The following GTF3C3 variants were observed in gnomAD, a reference collection of about 807,000 sequenced individuals.
The protein encoded by GTF3C3 is general transcription factor IIIC subunit 3.
In GTF3C3, 75 loss-of-function variants were observed where a neutral mutation model predicts 105.2. The ratio of observed to expected loss-of-function variants is 0.71; its 90% CI spans 0.59 to 0.86. The LOEUF (loss-of-function observed/expected upper bound fraction) is 0.86, where lower values mean the gene tolerates loss of function less well. GTF3C3 is among the 40% of genes least tolerant of loss of function. The probability of loss-of-function intolerance (pLI) is 0.00; values close to 1 mark genes in which losing one functional copy is unlikely to be tolerated. For synonymous variants in GTF3C3, 335 were observed against 370.4 expected, an observed-to-expected ratio of 0.90 and a Z score of 1.10; for missense variants, 856 against 1,076.5, an observed-to-expected ratio of 0.80 and a Z score of 2.87.
chr2:196,772,393 A>T (rs1699189001), intron 14 of GTF3C3, among the ~76,000 whole-genome samples: 1 of 152,102 alleles, frequency 6.6e-6, no homozygotes, highest in Non-Finnish European at 1.5e-5. Context: ...TACTAAAAAT[A>T]CAAAATGAGC....
chr2:196,798,861 T>TTA (rs1699696025), intron 1 of GTF3C3, among the ~76,000 whole-genome samples: 4 of 54,906 alleles, frequency 7.3e-5, no homozygotes, highest in Non-Finnish European at 1.3e-4. Context: ...AAACTCCGTC[T>TTA]CAAAAAAAAA....
chr2:196,767,522 T>C (rs912936051), intron 16 of GTF3C3, among the ~76,000 whole-genome samples: 9 of 152,226 alleles, frequency 5.9e-5, no homozygotes, highest in African/African-American at 2.2e-4. Flanking sequence ...ATCTGCTATA[T>C]AATAAGTGGT....
At chr2:196,783,708 A>G (rs60689599) in intron 8 of GTF3C3, among the ~76,000 whole-genome samples, 2,687 of 152,214 alleles carry the variant, frequency 0.018, 70 homozygotes, top group African/African-American at 0.062. Flanking sequence ...TTGGGCCTCT[A>G]TAAACATCTT....
rs1288534830 is a variant in GTF3C3, at chr2:196,781,355, AAAATATATAT to A, written c.1115-703_1115-694del. On this transcript the variant is annotated intron_variant, in intron 8 of 17. Coordinates refer to ENST00000263956, the MANE Select transcript of GTF3C3 (RefSeq NM_012086.5). ...AAATGTTAAGGGGAAAAAAAAAAAA[AAAATATATAT>A]ATATATATATATATATATATATAAA... Among the ~76,000 whole-genome samples the A allele has an allele frequency of 2.9e-4, 9 of 31,194 alleles. No homozygotes were observed. The Admixed American group carries it at 3.4e-3, about 12-fold the overall frequency. 20.5% of individuals were successfully genotyped at this position (31,194 alleles called of 152,430 possible). A position where few individuals can be genotyped will look rare whatever the true frequency, so the allele number is the denominator to read the frequency against.
intron 9 of GTF3C3, chr2:196,780,287 ATCTAATGACAATCTCAAATGG>A: frequency 9.7e-7 from 1 of 1,031,416 alleles, no homozygotes; most frequent in Non-Finnish European, 1.2e-6. Context: ...ATTACCAATT[ATCTAATGACAATCTCAAATGG>A]TCTAAAGACA....
In GTF3C3 at chr2:196,776,466, A is replaced by G; in HGVS notation, c.1554T>C (p.Asp518=). The G allele has an allele frequency of 1.2e-6, 2 of 1,614,168 alleles. No individual in the cohort carries two copies. The highest frequency in any genetic ancestry group is 8.5e-7 in the Non-Finnish European group (1 of 1,180,022). ...TTGCATCCTGTGCTAAAGTATCTGG[A>G]TCATACATTGGTTCCAGAGCTTCCA... ...KALEALEPMY[D]PDTLAQDANA... Residue 518 remains aspartate, a synonymous_variant, in exon 11 of 18, where the codon GAT becomes GAC. Transcript: ENST00000263956. The surrounding 1 kb of genome is among the most constrained non-coding windows in gnomAD (Gnocchi z 4.5).
chr2:196,789,144 G>A, intron 6 of GTF3C3, 60 bp downstream of exon 6: 3 of 1,327,406 alleles, frequency 2.3e-6, no homozygotes, highest in Non-Finnish European at 3.1e-6. Context: ...CCAAATATAT[G>A]CTTTGATTTG....
rs1182561893 is a variant in GTF3C3, at chr2:196,786,823, TC to T, written c.894-1236del. Among the ~76,000 whole-genome samples, 2 of 152,020 alleles carry T rather than the reference TC, an allele frequency of 1.3e-5. No homozygotes were observed. The highest frequency in any genetic ancestry group is 3.9e-4 in the East Asian group (2 of 5,184). On this transcript the variant is annotated intron_variant, in intron 6 of 17. Transcript: ENST00000263956. This position sits in a 1 kb window ranked among gnomAD's most constrained non-coding sequence, Gnocchi z 4.2. ...AACCTAATCCAATCAACTTTTCCTC[TC>T]CCCATTCTGCCAATATTTCCAATCT...
intron 2 of GTF3C3, among the ~76,000 whole-genome samples, chr2:196,795,840 A>G (rs997940749): frequency 6.6e-6 from 1 of 152,250 alleles, no homozygotes; most frequent in Non-Finnish European, 1.5e-5. Context: ...AGGAAAAAAT[A>G]AAATTATTAA....
intron 13 of GTF3C3, 32 bp from the exon 14 acceptor site, chr2:196,773,185 C>T: frequency 8.4e-7 from 1 of 1,186,014 alleles, no homozygotes; most frequent in Non-Finnish European, 1.2e-6. Context: ...CCAGTTAGGA[C>T]ACTGTATTTC....
At chr2:196,780,510 G>A in intron 9 of GTF3C3, 49 bp downstream of exon 9, 1 of 1,582,060 alleles carries the variant, frequency 6.3e-7, no homozygotes, top group Non-Finnish European at 8.6e-7. Context: ...AAAGAAAAGA[G>A]ATGGTGCATT....
At chr2:196,784,962 A>G (rs1699430059) in intron 7 of GTF3C3, 33 bp from the exon 8 acceptor site, 1 of 1,406,050 alleles carries the variant, frequency 7.1e-7, no homozygotes, top group African/African-American at 1.4e-5. Flanking sequence ...AGGAAATAAA[A>G]TATGTGTGAA....
rs537904428 is a variant in GTF3C3 at position 196,788,936 on chromosome 2, G to A, written c.893+268C>T. Among the ~76,000 whole-genome samples, 14 of 152,042 alleles carry A rather than the reference G, an allele frequency of 9.2e-5. 1 individual carries two copies. The highest frequency in any genetic ancestry group is 4.2e-4 in the South Asian group (2 of 4,810). On this transcript the variant is annotated intron_variant, in intron 6 of 17. Transcript: ENST00000263956. ...TTAAAAATTAGCCGGGTGTGGTGGC[G>A]TGCACCTACAATCCCAGCTATTTGG...
At chr2:196,780,749 A>G (rs1489771123) in intron 8 of GTF3C3, 87 bp from the exon 9 acceptor site, 3 of 1,471,550 alleles carry the variant, frequency 2.0e-6, no homozygotes, top group Middle Eastern at 1.8e-4. Context: ...TTTCATTCAA[A>G]GCAAATGATT....
rs567303066 is a variant in GTF3C3, at chr2:196,782,732, T to C, written c.1115-2070A>G. 2.6e-5 allele frequency among the ~76,000 whole-genome samples: 4 copies of C among 152,316 alleles called. No individual in the cohort carries two copies. The East Asian group carries it at 5.8e-4, about 22-fold the overall frequency. ...ACTTCATAATGCTACAGGGCAGTGC[T>C]ACTCAAACTAGTCTGGGACCTGTGC... On this transcript the variant is annotated intron_variant, in intron 8 of 17. Coordinates refer to ENST00000263956, the MANE Select transcript of GTF3C3 (RefSeq NM_012086.5).
intron 15 of GTF3C3, 83 bp from the exon 16 acceptor site, chr2:196,770,122 T>C (rs1699146411): frequency 8.3e-7 from 1 of 1,209,234 alleles, no homozygotes; most frequent in Non-Finnish European, 1.1e-6. Flanking sequence ...CAAACATTAC[T>C]GATTTTAACA....
chr2:196,777,551 T>C (rs967681180), intron 10 of GTF3C3: 1 of 152,196 alleles, frequency 6.6e-6, no homozygotes, highest in African/African-American at 2.4e-5. Flanking sequence ...CTTTTTCAAA[T>C]CTCTCCTGAC....
Position 196,764,343 on chromosome 2 carries a change from A to G in GTF3C3, c.*220T>C, listed in dbSNP as rs992899647. 2.5e-6 allele frequency: 1 copy of G among 401,648 alleles called. No homozygotes were observed. Among genetic ancestry groups the G allele is most frequent in the Non-Finnish European group, 4.5e-6 (1 of 224,144 alleles). The allele number at this position is 401,648 out of a possible 1,614,324, so 24.9% of individuals were successfully genotyped here. On this transcript the variant is annotated 3_prime_UTR_variant, in exon 18 of 18. Transcript: ENST00000263956. ...AACATTGGGAACAATTCACTATAGA[A>G]TGTGAAAGGAAAATGACAGACCAAT...
chr2:196,766,906 A>AT (rs989925912), intron 16 of GTF3C3, 189 bp from the exon 17 acceptor site: 21 of 387,322 alleles, frequency 5.4e-5, no homozygotes, highest in Admixed American at 1.7e-4. Flanking sequence ...AGATGTAAGA[A>AT]TTTTTTTTAG....
Sources: gnomAD v4.1 joint callset for allele counts (sites outside exome capture counted in the v4.1 genomes callset) on GRCh38, gnomAD v4.1.1 for gene constraint, Gnocchi (gnomAD v3.1) non-coding constraint, MANE v1.5 for transcripts, NCBI Gene and HGNC (gene_info 2026-07-23, HGNC 2026-07-21) for gene names.